Variants in SLC34A1 observed in about 807,000 individuals in gnomAD.
SLC34A1 encodes the protein solute carrier family 34 member 1.
In SLC34A1, 57 loss-of-function variants were observed where a neutral mutation model predicts 51.4. The ratio of observed to expected loss-of-function variants is 1.11; its 90% CI spans 0.90 to 1.38. SLC34A1 has a LOEUF of 1.38. Among genes scored for constraint, SLC34A1 ranks in the 40% most tolerant of loss-of-function variants. The pLI is 0.00. For missense variants in SLC34A1, 796 were observed against 835.6 expected, an observed-to-expected ratio of 0.95 and a Z score of 0.58; for synonymous variants, 368 against 358.0, an observed-to-expected ratio of 1.03 and a Z score of -0.32.
chr5:177,396,765 T>TGGGTCCC lies in SLC34A1; in HGVS notation c.1207_1208insGGGTCCC (p.Tyr403TrpfsTer38). 1 of 1,614,254 alleles carries TGGGTCCC rather than the reference T, an allele frequency of 6.2e-7. No homozygotes were observed. Among genetic ancestry groups the TGGGTCCC allele is most frequent in the South Asian group, 1.1e-5 (1 of 91,088 alleles). On this transcript the variant is annotated frameshift_variant, in exon 11 of 13. Transcript: ENST00000324417. LOFTEE classifies it high-confidence loss of function. The surrounding 1 kb of genome is among the most constrained non-coding windows in gnomAD (Gnocchi z 4.0). ...TGCCCCCTTCACCTGGGTCACAGGC[T>TGGGTCCC]ACTTTGCCATGGTGGTGGGCGCCAG...
intron 8 of SLC34A1, among the ~76,000 whole-genome samples, chr5:177,391,001 C>A (rs1430807537): frequency 6.6e-6 from 1 of 152,178 alleles, no homozygotes; most frequent in Non-Finnish European, 1.5e-5. Context: ...CAGCTGGGAA[C>A]GGCTCAGCTG....
At chr5:177,392,291 A>G (rs981822446) in intron 8 of SLC34A1, among the ~76,000 whole-genome samples, 1 of 152,064 alleles carries the variant, frequency 6.6e-6, no homozygotes, top group African/African-American at 2.4e-5. Flanking sequence ...GCGAAACCCC[A>G]TCTCTACTAA....
At chr5:177,393,837 A>G (rs1762880071) in intron 9 of SLC34A1, 74 bp downstream of exon 9, 3 of 1,534,878 alleles carry the variant, frequency 2.0e-6, no homozygotes, top group Non-Finnish European at 2.7e-6. Context: ...AATCCCACAC[A>G]GCCACTATTG....
intron 10 of SLC34A1, among the ~76,000 whole-genome samples, chr5:177,395,986 G>A (rs6556318): frequency 0.024 from 3,594 of 152,164 alleles, 130 homozygotes; most frequent in African/African-American, 0.082. Flanking sequence ...CACTATGTTG[G>A]TCAGGCTAGT....
chr5:177,387,215 A>C (rs1762613150), intron 5 of SLC34A1, among the ~76,000 whole-genome samples: 1 of 122,802 alleles, frequency 8.1e-6, no homozygotes, highest in East Asian at 2.0e-4. Flanking sequence ...CTAAAAATAC[A>C]AAAAAAAAAA....
At chr5:177,385,631 TG>T (rs1210472379) in intron 1 of SLC34A1, 63 bp from the exon 2 acceptor site, 3 of 774,446 alleles carry the variant, frequency 3.9e-6, no homozygotes, top group Non-Finnish European at 6.9e-6. Flanking sequence ...TCATGCGCCA[TG>T]GGGGTTTGTG....
Position 177,396,310 on chromosome 5 carries a change from G to A in SLC34A1, c.1175-423G>A, listed in dbSNP as rs542756133. ...AGGGAACAGCCCCATCAAAGGCACA[G>A]TTGCCTGACGGAGCCAGGCTGAGAA... On this transcript the variant is annotated intron_variant, in intron 10 of 12. Coordinates refer to ENST00000324417, the MANE Select transcript of SLC34A1 (RefSeq NM_003052.5). This position sits in a 1 kb window ranked among gnomAD's most constrained non-coding sequence, Gnocchi z 4.0. Among the ~76,000 whole-genome samples, 2 of 152,346 alleles carry A rather than the reference G, an allele frequency of 1.3e-5. No individual in the cohort carries two copies. Among genetic ancestry groups the A allele is most frequent in the African/African-American group, 4.8e-5 (2 of 41,570 alleles).
chr5:177,395,947 C>T (rs1762940363), intron 10 of SLC34A1, among the ~76,000 whole-genome samples: 1 of 151,808 alleles, frequency 6.6e-6, no homozygotes, highest in South Asian at 2.1e-4. Flanking sequence ...TCCTATTAAC[C>T]ATAAATTTTT....
At position 177,388,067 on chromosome 5, in the gene SLC34A1, G is replaced by T; in HGVS notation, c.718G>T (p.Ala240Ser). The T allele has an allele frequency of 3.7e-6, 6 of 1,614,116 alleles. No individual in the cohort carries two copies. The highest frequency in any genetic ancestry group is 2.7e-5 in the African/African-American group (2 of 75,044). Residue 240 changes from alanine (A) to serine (S), a missense_variant, in exon 7 of 13, where the codon GCC (alanine) becomes TCC (serine). Physicochemically the swap from Ala to Ser is moderately conservative, Grantham distance 99 (BLOSUM62 1). Transcript: ENST00000324417. The surrounding 1 kb of genome is among the most constrained non-coding windows in gnomAD (Gnocchi z 4.3). ...GCTGGTCCTGCTGCCCCTGGAGGCT[G>T]CCACTGGCTACCTGCACCACATCAC... ...SVLVLLPLEA[A>S]TGYLHHITRL... is the part of the protein sequence containing the mutation.
At chr5:177,384,840 C>T (rs1478068539) in intron 1 of SLC34A1, among the ~76,000 whole-genome samples, 7 of 140,054 alleles carry the variant, frequency 5.0e-5, no homozygotes, top group East Asian at 2.2e-4. Context: ...CCAGCCTGGG[C>T]GGTAAGAGTG....
rs59451832 is a variant in SLC34A1 at position 177,386,768 on chromosome 5, A to G, written c.532+202A>G. ...GCAAGGAACTGGCTTCCCCGATGGT[A>G]GTTTGTCTGGGCAAGTCAGGAATCC... On this transcript the variant is annotated intron_variant, in intron 5 of 12. Coordinates refer to ENST00000324417, the MANE Select transcript of SLC34A1 (RefSeq NM_003052.5). This position sits in a 1 kb window ranked among gnomAD's most constrained non-coding sequence, Gnocchi z 4.8. Among the ~76,000 whole-genome samples, 6,934 of 152,062 alleles carry G rather than the reference A, an allele frequency of 0.046. 497 individuals carry two copies. The highest frequency in any genetic ancestry group is 0.15 in the African/African-American group (6,353 of 41,446).
At chr5:177,385,939 C>A (rs1762546881) in intron 2 of SLC34A1, 48 bp from the exon 3 acceptor site, 1 of 1,610,268 alleles carries the variant, frequency 6.2e-7, no homozygotes, top group Non-Finnish European at 8.5e-7. Context: ...TTCCTCCCCG[C>A]CTCCCCACTT....
intron 8 of SLC34A1, among the ~76,000 whole-genome samples, chr5:177,391,346 A>G (rs1313906213): frequency 1.3e-5 from 2 of 152,164 alleles, no homozygotes; most frequent in Non-Finnish European, 2.9e-5. Context: ...CCCAGGCAAG[A>G]AGGTCAAGGT....
intron 5 of SLC34A1, among the ~76,000 whole-genome samples, chr5:177,387,227 C>A (rs80091974): frequency 2.0e-5 from 3 of 149,334 alleles, no homozygotes; most frequent in South Asian, 2.1e-4. Context: ...AAAAAAAAAA[C>A]AACAAAAACC....
intron 8 of SLC34A1, chr5:177,389,966 G>A: frequency 7.2e-7 from 1 of 1,391,456 alleles, no homozygotes; most frequent in East Asian, 2.7e-5. Flanking sequence ...TAGCTGGTGG[G>A]TGGGACCCAA....
rs1763052743 is a variant in SLC34A1 at position 177,398,692 on chromosome 5, C to T, written c.*406C>T. ...GCTGTTTGTGCATAGATGTTGGTGC[C>T]TGCGTTACTGAATTTGCACACCTCC... On this transcript the variant is annotated 3_prime_UTR_variant, in exon 13 of 13. Coordinates refer to ENST00000324417, the MANE Select transcript of SLC34A1 (RefSeq NM_003052.5). This position sits in a 1 kb window ranked among gnomAD's most constrained non-coding sequence, Gnocchi z 4.7. 2 of 236,144 alleles carry T rather than the reference C, an allele frequency of 8.5e-6. No homozygotes were observed. The highest frequency in any genetic ancestry group is 1.3e-4 in the South Asian group (2 of 15,684). The allele number at this position is 236,144 out of a possible 1,614,324, so 14.6% of individuals were successfully genotyped here.
In SLC34A1 at chr5:177,398,827, G is replaced by A. The variant is rs1393285332; in HGVS notation, c.*541G>A. 6.1e-6 allele frequency: 1 copy of A among 163,460 alleles called. No homozygotes were observed. The allele number at this position is 163,460 out of a possible 1,614,324, so 10.1% of individuals were successfully genotyped here. A position where few individuals can be genotyped will look rare whatever the true frequency, so the allele number is the denominator to read the frequency against. On this transcript the variant is annotated 3_prime_UTR_variant, in exon 13 of 13. Transcript: ENST00000324417. The surrounding 1 kb of genome is among the most constrained non-coding windows in gnomAD (Gnocchi z 4.7). ...CTTGCCTGATGGAAAAAAAACAAAGGAATTAAAACTCTCCTCAGGCATTCG... is the reference window on the plus strand; with the variant it reads ...CTTGCCTGATGGAAAAAAAACAAAGAAATTAAAACTCTCCTCAGGCATTCG...
intron 8 of SLC34A1, chr5:177,389,580 C>A: frequency 6.5e-7 from 1 of 1,535,032 alleles, no homozygotes; most frequent in South Asian, 1.2e-5. Flanking sequence ...CACTTTCTCA[C>A]GAGCTCTCTG....
At chr5:177,395,558 G>A (rs1057357328) in intron 10 of SLC34A1, among the ~76,000 whole-genome samples, 6 of 152,186 alleles carry the variant, frequency 3.9e-5, no homozygotes, top group African/African-American at 1.4e-4. Context: ...TCTGCTCAGA[G>A]CCTGGACTTT....
Sources: allele counts gnomAD v4.1 joint callset (sites outside exome capture counted in the v4.1 genomes callset), GRCh38; gene constraint gnomAD v4.1.1; non-coding constraint Gnocchi (gnomAD v3.1); transcripts MANE v1.5; gene names NCBI Gene and HGNC (gene_info 2026-07-23, HGNC 2026-07-21).